The following HEATR4 variants were observed in gnomAD, a reference collection of about 807,000 sequenced individuals.
HEATR4 encodes HEAT repeat containing 4.
HEATR4 carries 95 observed loss-of-function variants against 108.8 expected under a neutral mutation model. The ratio of observed to expected loss-of-function variants is 0.87; its 90% CI spans 0.74 to 1.04. The LOEUF is 1.04. HEATR4 is among the 50% of genes least tolerant of loss of function. HEATR4 has a pLI of 0.00. For synonymous variants in HEATR4, 443 were observed against 459.4 expected (o/e 0.96, Z 0.46); for missense variants, 1,152 against 1,253.8 (o/e 0.92, Z 1.23).
intron 17 of HEATR4, among the ~76,000 whole-genome samples, chr14:73,484,545 A>C (rs943051239): frequency 2.6e-5 from 4 of 151,190 alleles, no homozygotes; most frequent in Non-Finnish European, 4.4e-5. Context: ...CACCCGGCTA[A>C]TTTTTGTATT....
chr14:73,612,641 C>G, the HEATR4 span: 1 of 1,403,152 alleles, frequency 7.1e-7, no homozygotes, highest in Admixed American at 3.0e-5. Flanking sequence ...CATCGCAGTG[C>G]GCGGCCTGGC....
At chr14:73,618,092 G>A in the HEATR4 span, among the ~76,000 whole-genome samples, 8 of 151,920 alleles carry the variant, frequency 5.3e-5, no homozygotes, top group Admixed American at 2.0e-4. Context: ...GCAGTGAGTC[G>A]AGATTACACC....
At chr14:73,606,275 G>C in the HEATR4 span, among the ~76,000 whole-genome samples, 1 of 152,018 alleles carries the variant, frequency 6.6e-6, no homozygotes, top group East Asian at 1.9e-4. Context: ...AGAATCACTT[G>C]AACTCAGGAG....
chr14:73,549,351 T>C lies in HEATR4; in HGVS notation c.-152+9400A>G, dbSNP rs1428311103. ...TGGGTATAACAACAATCCCATCTTG[T>C]TGGGAGGAATTAACAATCATGCATC... is the stretch of plus-strand genomic sequence containing the variant. On this transcript the variant is annotated intron_variant, in intron 1 of 17. Transcript: ENST00000553558. Among the ~76,000 whole-genome samples, 3 of 117,350 alleles carry C rather than the reference T, an allele frequency of 2.6e-5. 1 individual carries two copies. Among genetic ancestry groups the C allele is most frequent in the African/African-American group, 8.3e-5 (3 of 36,086 alleles). 77.0% of individuals were successfully genotyped at this position (117,350 alleles called of 152,430 possible).
the HEATR4 span, chr14:73,573,356 T>C: frequency 6.2e-7 from 1 of 1,613,204 alleles, no homozygotes; most frequent in African/African-American, 1.3e-5. Flanking sequence ...AGGAATAGCT[T>C]AGTTTTGCAT....
At chr14:73,598,464 T>G in the HEATR4 span, among the ~76,000 whole-genome samples, 1 of 152,132 alleles carries the variant, frequency 6.6e-6, no homozygotes, top group African/African-American at 2.4e-5. Context: ...TGTGACTGTT[T>G]CAGTCACTAG....
At chr14:73,496,211 G>T (rs574291525) in intron 15 of HEATR4, among the ~76,000 whole-genome samples, 6 of 151,962 alleles carry the variant, frequency 3.9e-5, no homozygotes, top group Non-Finnish European at 8.8e-5. Flanking sequence ...TAGGAATTCA[G>T]AAAAATTAAG....
In HEATR4 at chr14:73,526,367, C is replaced by T. The variant is rs116000956; in HGVS notation, c.-72-3143G>A. On this transcript the variant is annotated intron_variant, in intron 2 of 17. Coordinates refer to ENST00000553558, the MANE Select transcript of HEATR4 (RefSeq NM_001220484.1). ...ATACATATGAGTGACAGTCAGGTCACAAGGACTATATTCCTTAGGCAAACC... is the reference window on the plus strand; with the variant it reads ...ATACATATGAGTGACAGTCAGGTCATAAGGACTATATTCCTTAGGCAAACC... Among the ~76,000 whole-genome samples the T allele has an allele frequency of 7.2e-3, 1,096 of 152,318 alleles. 18 individuals are homozygous for T. Among genetic ancestry groups the T allele is most frequent in the African/African-American group, 0.025 (1,036 of 41,558 alleles).
chr14:73,582,085 C>T, the HEATR4 span: 1 of 121,870 alleles, frequency 8.2e-6, no homozygotes, highest in East Asian at 2.4e-4. Flanking sequence ...CCCAGCCCCT[C>T]AGAACAGCCT....
intron 17 of HEATR4, among the ~76,000 whole-genome samples, chr14:73,484,117 A>G (rs1464859790): frequency 6.6e-6 from 1 of 151,972 alleles, no homozygotes; most frequent in African/African-American, 2.4e-5. Flanking sequence ...TCTGCCTCCC[A>G]AAGTGCTGGG....
At chr14:73,529,516 T>C (rs1888577126) in intron 2 of HEATR4, among the ~76,000 whole-genome samples, 1 of 152,110 alleles carries the variant, frequency 6.6e-6, no homozygotes, top group Non-Finnish European at 1.5e-5. Context: ...AGTTAAAACC[T>C]GATGAACTTC....
At chr14:73,509,542 A>G (rs1314763123) in intron 7 of HEATR4, 69 bp from the exon 8 acceptor site, 1 of 1,556,852 alleles carries the variant, frequency 6.4e-7, no homozygotes, top group African/African-American at 1.4e-5. Context: ...CTTCCTTCCT[A>G]CAGCCATGTG....
chr14:73,610,395 A>G, the HEATR4 span, among the ~76,000 whole-genome samples: 2 of 151,784 alleles, frequency 1.3e-5, no homozygotes, highest in East Asian at 1.9e-4. Context: ...GGTTCAAGCA[A>G]TTCTCCTGCC....
the HEATR4 span, chr14:73,569,376 G>A: frequency 6.2e-7 from 1 of 1,613,976 alleles, no homozygotes; most frequent in Non-Finnish European, 8.5e-7. Context: ...GCAGTTCCTG[G>A]GGTCTCCACA....
At chr14:73,497,915 C>G (rs1886200162) in intron 14 of HEATR4, among the ~76,000 whole-genome samples, 1 of 152,200 alleles carries the variant, frequency 6.6e-6, no homozygotes, top group African/African-American at 2.4e-5. Flanking sequence ...CGTGAGTCAT[C>G]ACACCCGGCC....
At chr14:73,618,511 G>A in the HEATR4 span, among the ~76,000 whole-genome samples, 1 of 151,112 alleles carries the variant, frequency 6.6e-6, no homozygotes, top group Admixed American at 6.6e-5. Flanking sequence ...GGGCCCACGG[G>A]CTGACCTCTC....
intron 5 of HEATR4, among the ~76,000 whole-genome samples, chr14:73,517,831 G>A (rs1245032566): frequency 6.6e-6 from 1 of 152,092 alleles, no homozygotes; most frequent in African/African-American, 2.4e-5. Flanking sequence ...GCTCACGCCT[G>A]TAATCCCAGC....
At chr14:73,497,338 C>T (rs1886166825) in intron 14 of HEATR4, among the ~76,000 whole-genome samples, 1 of 152,160 alleles carries the variant, frequency 6.6e-6, no homozygotes, top group African/African-American at 2.4e-5. Flanking sequence ...CCTCATCTGG[C>T]CAAGACAATA....
At chr14:73,591,899 T>G in the HEATR4 span, 1 of 1,320,790 alleles carries the variant, frequency 7.6e-7, no homozygotes, top group Non-Finnish European at 9.7e-7. Context: ...TTCGGCGCGC[T>G]TGCCACGATC....
Sources: allele counts gnomAD v4.1 joint callset (sites outside exome capture counted in the v4.1 genomes callset), GRCh38; gene constraint gnomAD v4.1.1; transcripts MANE v1.5; gene names NCBI Gene and HGNC (gene_info 2026-07-23, HGNC 2026-07-21).